NPAS3: variants seen among roughly 807,000 people sequenced by gnomAD.
The protein encoded by NPAS3 is neuronal PAS domain protein 3, also known as neuronal PAS domain-containing protein 3.
A neutral mutation model predicts 73.1 loss-of-function variants in NPAS3; 14 were observed. The observed-to-expected ratio is 0.19, with a 90% CI of 0.13 to 0.30. NPAS3 has a LOEUF of 0.30. Among genes scored for constraint, NPAS3 ranks in the 10% least tolerant of loss-of-function variants. The probability of loss-of-function intolerance (pLI) is 1.00; values close to 1 mark genes in which losing one functional copy is unlikely to be tolerated. For missense variants in NPAS3, 1,096 were observed against 1,250.0 expected, an observed-to-expected ratio of 0.88 and a Z score of 1.86; for synonymous variants, 620 against 541.5, an observed-to-expected ratio of 1.14 and a Z score of -2.01.
intron 5 of NPAS3, chr14:33,612,626 G>A (rs933815720): frequency 2.6e-6 from 1 of 389,190 alleles, no homozygotes; most frequent in African/African-American, 2.1e-5. Flanking sequence ...AGTGAGGGGT[G>A]CTGGAGGACT....
chr14:33,455,966 C>G (rs529255633), intron 4 of NPAS3, among the ~76,000 whole-genome samples: 36 of 152,212 alleles, frequency 2.4e-4, no homozygotes, highest in Non-Finnish European at 4.4e-4. Flanking sequence ...TGGGGGTTGT[C>G]CAAAACCATG....
At chr14:33,078,241 A>G (rs1430314403) in intron 2 of NPAS3, among the ~76,000 whole-genome samples, 2 of 152,236 alleles carry the variant, frequency 1.3e-5, no homozygotes, top group Non-Finnish European at 2.9e-5. Flanking sequence ...TCAGGGATAT[A>G]TTAGATGGGT....
intron 4 of NPAS3, among the ~76,000 whole-genome samples, chr14:33,517,695 G>A (rs997910884): frequency 3.3e-5 from 5 of 151,980 alleles, no homozygotes; most frequent in African/African-American, 1.2e-4. Context: ...ATGCCCCGCA[G>A]CACCTAGGGC....
At chr14:32,997,760 TAAAAA>T (rs36083770) in intron 1 of NPAS3, among the ~76,000 whole-genome samples, 1 of 112,752 alleles carries the variant, frequency 8.9e-6, no homozygotes, top group Non-Finnish European at 1.9e-5. Context: ...CCGTCTCTAC[TAAAAA>T]AAAAAAAAAA....
intron 2 of NPAS3, among the ~76,000 whole-genome samples, chr14:33,152,935 T>C (rs875798): frequency 0.028 from 4,281 of 152,238 alleles, 157 homozygotes; most frequent in African/African-American, 0.096. Flanking sequence ...GTTTCGATAT[T>C]GGAATTTTTT....
intron 2 of NPAS3, among the ~76,000 whole-genome samples, chr14:33,142,258 C>G (rs1004898843): frequency 2.5e-4 from 17 of 67,770 alleles, no homozygotes; most frequent in Admixed American, 7.7e-4. Context: ...TTTTTCAGTA[C>G]TTTTACACTT....
At chr14:33,446,065 T>C (rs188833664) in intron 4 of NPAS3, among the ~76,000 whole-genome samples, 33 of 152,248 alleles carry the variant, frequency 2.2e-4, no homozygotes, top group Admixed American at 1.5e-3. Flanking sequence ...TCTAATCTTC[T>C]GATGTTCCGT....
At chr14:33,446,575 T>G (rs1433310038) in intron 4 of NPAS3, among the ~76,000 whole-genome samples, 1 of 152,238 alleles carries the variant, frequency 6.6e-6, no homozygotes, top group South Asian at 2.1e-4. Flanking sequence ...TCGGAAGAGA[T>G]GGAGAAAAAC....
rs114871218 is a variant in NPAS3, at chr14:33,166,351, C to T, written c.141-48831C>T. On this transcript the variant is annotated intron_variant, in intron 2 of 11. Coordinates refer to ENST00000356141, the Ensembl canonical transcript of NPAS3. ...CTGCCAACTCAGATGGTGCCTCATC[C>T]ATGAAGCCTTCTAGTTTTTCCATAA... is the stretch of plus-strand genomic sequence containing the variant. Among the ~76,000 whole-genome samples the T allele has an allele frequency of 5.0e-3, 768 of 152,296 alleles. 5 individuals are homozygous for T. The highest frequency in any genetic ancestry group is 0.017 in the African/African-American group (717 of 41,558).
intron 5 of NPAS3, among the ~76,000 whole-genome samples, chr14:33,643,204 CATAACCAGTGATAGTATTATCTGCT>C (rs1174001166): frequency 6.6e-6 from 1 of 151,890 alleles, no homozygotes; most frequent in African/African-American, 2.4e-5. Context: ...TGATGTTATT[CATAACCAGTGATAGTATTATCTGCT>C]ATAAAGTTGC....
chr14:33,519,038 A>G (rs977169203), intron 4 of NPAS3, among the ~76,000 whole-genome samples: 2 of 151,784 alleles, frequency 1.3e-5, no homozygotes, highest in Non-Finnish European at 1.5e-5. Context: ...TACCTATACC[A>G]CTCTTGTACC....
At chr14:33,386,504 G>C (rs1233725061) in intron 4 of NPAS3, among the ~76,000 whole-genome samples, 1 of 85,496 alleles carries the variant, frequency 1.2e-5, no homozygotes, top group Non-Finnish European at 2.3e-5. Context: ...TCCACTTTCA[G>C]TTTCAATCTT....
chr14:33,434,186 C>T (rs1172241972), intron 4 of NPAS3, among the ~76,000 whole-genome samples: 1 of 151,674 alleles, frequency 6.6e-6, no homozygotes, highest in Non-Finnish European at 1.5e-5. Context: ...GAGCAAAACT[C>T]CGTCTCTAAA....
chr14:33,251,877 C>G (rs1252076703), intron 3 of NPAS3, among the ~76,000 whole-genome samples: 1 of 152,036 alleles, frequency 6.6e-6, no homozygotes, highest in African/African-American at 2.4e-5. Flanking sequence ...TTTTCCTCTG[C>G]TTTCTCTTTT....
chr14:33,665,741 C>T (rs142382407), intron 5 of NPAS3, among the ~76,000 whole-genome samples: 36 of 152,130 alleles, frequency 2.4e-4, no homozygotes, highest in African/African-American at 6.5e-4. Flanking sequence ...TAAATTCTTC[C>T]GAATTAAACC....
chr14:33,016,042 A>T (rs2039379111), intron 1 of NPAS3, among the ~76,000 whole-genome samples: 1 of 151,948 alleles, frequency 6.6e-6, no homozygotes, highest in Non-Finnish European at 1.5e-5. Context: ...TAGTAATGTC[A>T]GGGAATTTCA....
chr14:33,584,845 TGACTAC>T (rs1311367662), intron 5 of NPAS3, among the ~76,000 whole-genome samples: 1 of 152,208 alleles, frequency 6.6e-6, no homozygotes, highest in Non-Finnish European at 1.5e-5. Flanking sequence ...AGGACATTTA[TGACTAC>T]CTATTAACAT....
intron 9 of NPAS3, among the ~76,000 whole-genome samples, chr14:33,789,599 T>TTTTTTTTG (rs2063288256): frequency 7.6e-6 from 1 of 130,758 alleles, no homozygotes; most frequent in Non-Finnish European, 1.6e-5. Context: ...TTTTTTTTTT[T>TTTTTTTTG]TTTTTTTGAG....
chr14:33,095,908 G>A (rs572125449), intron 2 of NPAS3, among the ~76,000 whole-genome samples: 18 of 151,360 alleles, frequency 1.2e-4, no homozygotes, highest in South Asian at 2.1e-4. Flanking sequence ...TCCTGACCTC[G>A]TGATTCGCCC....
Sources: gnomAD v4.1 joint callset for allele counts (sites outside exome capture counted in the v4.1 genomes callset) on GRCh38, gnomAD v4.1.1 for gene constraint, MANE v1.5 for transcripts, NCBI Gene and HGNC (gene_info 2026-07-23, HGNC 2026-07-21) for gene names.